The following ZDHHC6 variants were observed in gnomAD, a reference collection of about 807,000 sequenced individuals.
The protein encoded by ZDHHC6 is palmitoyltransferase ZDHHC6.
In ZDHHC6, 32 loss-of-function variants were observed where a neutral mutation model predicts 57.8. That is an observed-to-expected ratio of 0.55 (90% CI 0.42 to 0.74). The LOEUF is 0.74. ZDHHC6 is among the 30% of genes least tolerant of loss of function. The pLI, the probability that ZDHHC6 is intolerant of heterozygous loss-of-function variation, is 0.00. For synonymous variants in ZDHHC6, 128 were observed against 158.0 expected (o/e 0.81, Z 1.42); for missense variants, 433 against 500.7 (o/e 0.86, Z 1.29).
At chr10:112,443,477 T>A (rs776564172) in intron 3 of ZDHHC6, 38 bp downstream of exon 3, 1 of 1,559,446 alleles carries the variant, frequency 6.4e-7, no homozygotes, top group Non-Finnish European at 8.8e-7. Flanking sequence ...CAGTAATTAG[T>A]TGATCAGTCC....
At chr10:112,435,593 A>G (rs1232182636) in intron 6 of ZDHHC6, among the ~76,000 whole-genome samples, 4 of 152,228 alleles carry the variant, frequency 2.6e-5, no homozygotes, top group African/African-American at 9.6e-5. Flanking sequence ...AAATGTTGCA[A>G]TTATTTGTTG....
chr10:112,428,224 G>A, downstream of ZDHHC6: 1 of 377,456 alleles, frequency 2.6e-6, no homozygotes. Context: ...CTACAGGCAA[G>A]CAAGATGCCC....
In ZDHHC6 at chr10:112,440,553, C is replaced by T. The variant is rs1021581045; in HGVS notation, c.662G>A (p.Gly221Glu). ...GLALGTTIAV[G>E]MLFFIQMKII... ...GCTTACCTGGATAAAAAACAACATC[C>T]CAACAGCTATGGTTGTTCCTAAAGC... Residue 221 changes from glycine (G) to glutamate (E), a missense_variant, in exon 5 of 11, where the codon GGG becomes GAG. Transcript: ENST00000369405. The T allele has an allele frequency of 6.2e-7, 1 of 1,613,252 alleles. No individual in the cohort carries two copies. The highest frequency in any genetic ancestry group is 8.5e-7 in the Non-Finnish European group (1 of 1,179,506).
chr10:112,433,143 C>A, intron 8 of ZDHHC6, 97 bp downstream of exon 8: 4 of 969,990 alleles, frequency 4.1e-6, no homozygotes, highest in South Asian at 2.1e-5. Flanking sequence ...TAATAAAGGC[C>A]AACAATTGGT....
intron 5 of ZDHHC6, 151 bp downstream of exon 5, chr10:112,440,383 G>T: frequency 2.4e-6 from 2 of 841,480 alleles, no homozygotes; most frequent in Non-Finnish European, 3.5e-6. Context: ...AAAATTATCT[G>T]ACGAATACAA....
chr10:112,442,360 A>G lies in ZDHHC6; in HGVS notation c.360-9T>C. ...CCATCTTCATCACACATCTAACAAG[A>G]AAAATTTACATAAAACATGAGGCAG... On this transcript the variant is annotated splice_polypyrimidine_tract_variant and intron_variant, in intron 3 of 10. Coordinates refer to ENST00000369405, the MANE Select transcript of ZDHHC6 (RefSeq NM_022494.3). The G allele has an allele frequency of 6.3e-7, 1 of 1,598,980 alleles. No individual in the cohort carries two copies. The highest frequency in any genetic ancestry group is 8.5e-7 in the Non-Finnish European group (1 of 1,175,116).
rs141897265 is a variant in ZDHHC6 at position 112,443,521 on chromosome 10, C to T, written c.353G>A (p.Cys118Tyr). The change falls in exon 3 of 11, where the codon TGT becomes TAT. Residue 118 changes from cysteine (C) to tyrosine (Y), a missense_variant. Physicochemically the swap from Cys to Tyr is radical, Grantham distance 194 (BLOSUM62 -2). Coordinates refer to ENST00000369405, the MANE Select transcript of ZDHHC6 (RefSeq NM_022494.3). ...KAPRSHHCRK[C>Y]NRCVMKMDHH... is the part of the protein sequence containing the mutation. Reference sequence around the variant, plus strand: ...CAGCAAGAAAGACAGGTACCTGTTACACTTTCTGCAGTGATGTGAACGTGG... The same window carrying T: ...CAGCAAGAAAGACAGGTACCTGTTATACTTTCTGCAGTGATGTGAACGTGG... 2 of 1,613,530 alleles carry T rather than the reference C, an allele frequency of 1.2e-6. No homozygotes were observed. The highest frequency in any genetic ancestry group is 1.7e-6 in the Non-Finnish European group (2 of 1,179,668).
Position 112,443,575 on chromosome 10 carries a change from T to C in ZDHHC6, c.299A>G (p.Tyr100Cys). 1 of 1,613,558 alleles carries C rather than the reference T, an allele frequency of 6.2e-7. No individual in the cohort carries two copies. Among genetic ancestry groups the C allele is most frequent in the East Asian group, 2.2e-5 (1 of 44,840 alleles). ...EISQDTMYLQ[Y>C]CKVCQAYKAP... ...CTTGTATGCTTGGCAGACTTTACAA[T>C]ACTGGAGATACATGGTATCCTGAGA... is the stretch of plus-strand genomic sequence containing the variant. Residue 100 changes from tyrosine (Y) to cysteine (C), a missense_variant, in exon 3 of 11, where the codon TAT becomes TGT. By Grantham distance (194) the Tyr-to-Cys change is radical. Transcript: ENST00000369405.
chr10:112,434,917 T>G (rs973322575), intron 6 of ZDHHC6, among the ~76,000 whole-genome samples: 2 of 152,194 alleles, frequency 1.3e-5, no homozygotes, highest in South Asian at 4.1e-4. Flanking sequence ...AATGTAACAG[T>G]TGTATCAGAG....
downstream of ZDHHC6, chr10:112,426,521 C>T (rs917086046): frequency 1.7e-4 from 111 of 636,364 alleles, 2 homozygotes; most frequent in Middle Eastern, 1.3e-3. Flanking sequence ...AAATAAAACT[C>T]TCTTTTCTAT....
At chr10:112,442,115 A>C (rs1846171721) in intron 4 of ZDHHC6, 77 bp downstream of exon 4, 1 of 1,400,032 alleles carries the variant, frequency 7.1e-7, no homozygotes, top group Admixed American at 2.9e-5. Context: ...TTCCAAAAGG[A>C]ACCTCTTAAA....
intron 8 of ZDHHC6, 115 bp downstream of exon 8, chr10:112,433,125 A>G: frequency 1.3e-6 from 1 of 760,754 alleles, no homozygotes; most frequent in Non-Finnish European, 1.9e-6. Flanking sequence ...GTATTAAGGA[A>G]TACTATTTAA....
At chr10:112,432,992 G>A (rs1464491288) in intron 8 of ZDHHC6, among the ~76,000 whole-genome samples, 1 of 152,148 alleles carries the variant, frequency 6.6e-6, no homozygotes, top group Non-Finnish European at 1.5e-5. Flanking sequence ...TTCACATTAA[G>A]GAGCTGTATT....
chr10:112,435,666 TAA>T (rs1278084996), intron 6 of ZDHHC6, among the ~76,000 whole-genome samples: 1 of 152,242 alleles, frequency 6.6e-6, no homozygotes, highest in Non-Finnish European at 1.5e-5. Context: ...ATGAATCTAT[TAA>T]GTTATATAAA....
intron 2 of ZDHHC6, among the ~76,000 whole-genome samples, chr10:112,443,947 G>A (rs533673809): frequency 7.2e-5 from 11 of 152,244 alleles, no homozygotes; most frequent in Admixed American, 2.6e-4. Context: ...GGAGTTAATC[G>A]TGAGTTGATA....
At chr10:112,425,640 G>A, downstream of ZDHHC6, 1 of 642,836 alleles carries the variant, frequency 1.6e-6, no homozygotes. Flanking sequence ...CCTCAAATAA[G>A]GCAATTTCAA....
chr10:112,425,935 G>A (rs983637170), downstream of ZDHHC6, among the ~76,000 whole-genome samples: 9 of 152,110 alleles, frequency 5.9e-5, no homozygotes, highest in Admixed American at 5.9e-4. Context: ...CCAAAACAAC[G>A]AACTGTTTTA....
downstream of ZDHHC6, chr10:112,426,357 CAAGT>C (rs1175582315): frequency 5.0e-6 from 8 of 1,613,656 alleles, no homozygotes; most frequent in Non-Finnish European, 5.9e-6. Context: ...GTGCCAAAAC[CAAGT>C]AAGTCTTGCC....
chr10:112,443,483 A>G, intron 3 of ZDHHC6, 32 bp downstream of exon 3: 1 of 1,579,450 alleles, frequency 6.3e-7, no homozygotes, highest in African/African-American at 1.3e-5. Flanking sequence ...TTAGTTGATC[A>G]GTCCTCGCTG....
Sources: gnomAD v4.1 joint callset for allele counts (sites outside exome capture counted in the v4.1 genomes callset) on GRCh38, gnomAD v4.1.1 for gene constraint, MANE v1.5 for transcripts, NCBI Gene and HGNC (gene_info 2026-07-23, HGNC 2026-07-21) for gene names.